The following TMEM247 variants were observed in gnomAD, a reference collection of about 807,000 sequenced individuals.
The protein encoded by TMEM247 is transmembrane protein ENSP00000343375.
Under a neutral mutation model 20.7 loss-of-function variants are expected in TMEM247, and 23 were observed. That is an observed-to-expected ratio of 1.11 (90% CI 0.80 to 1.57). The LOEUF (loss-of-function observed/expected upper bound fraction) is 1.57. Among genes scored for constraint, TMEM247 ranks in the 40% most tolerant of loss-of-function variants. The pLI, the probability that TMEM247 is intolerant of heterozygous loss-of-function variation, is 0.00. For synonymous variants in TMEM247, 106 were observed against 111.9 expected (o/e 0.95, Z 0.33); for missense variants, 354 against 283.8 (o/e 1.25, Z -1.78).
At chr2:46,481,987 G>A (rs762162427) in intron 2 of TMEM247, among the ~76,000 whole-genome samples, 6 of 152,166 alleles carry the variant, frequency 3.9e-5, no homozygotes, top group Non-Finnish European at 8.8e-5. Flanking sequence ...AAACGGAGAC[G>A]CACTGTCAAA....
At chr2:46,481,016 C>A (rs917021603) in intron 2 of TMEM247, among the ~76,000 whole-genome samples, 1 of 152,168 alleles carries the variant, frequency 6.6e-6, no homozygotes, top group Non-Finnish European at 1.5e-5. Flanking sequence ...AACAGAGCTT[C>A]CACGGGAAGC....
rs1472346008 is a variant in TMEM247 at position 46,484,256 on chromosome 2, C to G, written c.490C>G (p.Leu164Val). The G allele has an allele frequency of 1.9e-6, 3 of 1,550,086 alleles. No homozygotes were observed. In the Admixed American group the frequency reaches 5.9e-5, roughly 30 times the overall value. The change falls in exon 3 of 3, where the codon CTC (leucine) becomes GTC (valine). Residue 164 changes from leucine to valine, a missense_variant. Transcript: ENST00000434431. ...CTCTCCCCCACAGTTTTCAGGAGGC[C>G]TCCAGAACTTCCTGCTGCCCCAGAA...
At chr2:46,480,835 G>GCGCCC in intron 2 of TMEM247, 71 bp downstream of exon 2, 1 of 1,468,560 alleles carries the variant, frequency 6.8e-7, no homozygotes, top group South Asian at 1.4e-5. Flanking sequence ...CCTGGAGCAG[G>GCGCCC]CGCCCACCTT....
intron 2 of TMEM247, among the ~76,000 whole-genome samples, chr2:46,483,325 G>A (rs1686924624): frequency 6.6e-6 from 1 of 152,184 alleles, no homozygotes; most frequent in African/African-American, 2.4e-5. Flanking sequence ...AACTCAAGCT[G>A]CTTTCCCCCA....
intron 2 of TMEM247, among the ~76,000 whole-genome samples, chr2:46,482,473 C>T (rs1432668844): frequency 1.3e-5 from 2 of 152,262 alleles, no homozygotes; most frequent in Non-Finnish European, 2.9e-5. Context: ...ATTTTACCCC[C>T]TTTTCAGTTT....
intron 2 of TMEM247, among the ~76,000 whole-genome samples, chr2:46,483,192 CA>C (rs1411186071): frequency 2.6e-5 from 4 of 152,236 alleles, no homozygotes; most frequent in African/African-American, 9.6e-5. Flanking sequence ...AACTATGGAT[CA>C]AAATAATATC....
chr2:46,479,767 G>C, intron 1 of TMEM247, 65 bp downstream of exon 1: 2 of 1,186,764 alleles, frequency 1.7e-6, no homozygotes, highest in South Asian at 1.3e-5. Context: ...AATACTGTAG[G>C]AACACATGCT....
At chr2:46,482,068 G>C (rs1432073178) in intron 2 of TMEM247, among the ~76,000 whole-genome samples, 1 of 152,066 alleles carries the variant, frequency 6.6e-6, no homozygotes, top group Non-Finnish European at 1.5e-5. Context: ...TTTTGTTTCT[G>C]TTTTTTTAAG....
At chr2:46,482,464 T>C (rs182269675) in intron 2 of TMEM247, among the ~76,000 whole-genome samples, 43 of 152,360 alleles carry the variant, frequency 2.8e-4, no homozygotes, top group African/African-American at 1.0e-3. Flanking sequence ...ACCATATTTA[T>C]TTTACCCCCT....
exon 2 of TMEM247, chr2:46,480,558 G>C (rs1211633795): frequency 6.4e-7 from 1 of 1,551,730 alleles, no homozygotes; most frequent in South Asian, 1.2e-5. Context: ...CAAACCCGCA[G>C]AGCTGCCCCC....
At chr2:46,481,142 C>G (rs979425932) in intron 2 of TMEM247, among the ~76,000 whole-genome samples, 2 of 152,152 alleles carry the variant, frequency 1.3e-5, no homozygotes, top group Non-Finnish European at 2.9e-5. Flanking sequence ...CCTCCCTCTT[C>G]CACCGCTCAC....
chr2:46,484,285 G>C (rs779998940), exon 3 of TMEM247: 20 of 1,551,980 alleles, frequency 1.3e-5, no homozygotes, highest in Non-Finnish European at 5.2e-6. Flanking sequence ...CCCAGAACCA[G>C]TTTGCCATGT....
exon 2 of TMEM247, chr2:46,480,713 G>A (rs965793198): frequency 6.4e-7 from 1 of 1,551,482 alleles, no homozygotes; most frequent in African/African-American, 1.4e-5. Context: ...AGCGGGAGCG[G>A]CAGCACGAGG....
chr2:46,484,260 A>C (rs1686945341), exon 3 of TMEM247: 1 of 1,550,678 alleles, frequency 6.4e-7, no homozygotes, highest in African/African-American at 1.4e-5. Flanking sequence ...GGAGGCCTCC[A>C]GAACTTCCTG....
chr2:46,482,778 C>T (rs1408139623), intron 2 of TMEM247, among the ~76,000 whole-genome samples: 1 of 152,222 alleles, frequency 6.6e-6, no homozygotes, highest in African/African-American at 2.4e-5. Context: ...TGGATTGCTT[C>T]CTCTGGTCTC....
At position 46,480,471 on chromosome 2, in the gene TMEM247, G is replaced by A. The variant is rs771823668; in HGVS notation, c.184G>A (p.Gly62Arg). 62 of 1,551,552 alleles carry A rather than the reference G, an allele frequency of 4.0e-5. No individual in the cohort carries two copies. The Middle Eastern group carries it at 8.3e-4, about 21-fold the overall frequency. The stretch of plus-strand genomic sequence containing the variant: ...GGAAGAGATGGAAGCTTGTGAGGAC[G>A]GAGGCTGCCAAGGGCCGCTTAAATC... The change falls in exon 2 of 3, where the codon GGA (glycine) becomes AGA (arginine). Residue 62 changes from glycine (G) to arginine (R), a missense_variant. Gly to Arg is a moderately radical substitution (Grantham distance 125, BLOSUM62 -2). Coordinates refer to ENST00000434431, the Ensembl canonical transcript of TMEM247.
chr2:46,480,189 T>C (rs1238417405), intron 1 of TMEM247, among the ~76,000 whole-genome samples: 6 of 149,284 alleles, frequency 4.0e-5, no homozygotes, highest in African/African-American at 9.8e-5. Context: ...CTTGCAACTT[T>C]AGGGCACTAT....
chr2:46,481,387 T>C (rs1686886772), intron 2 of TMEM247, among the ~76,000 whole-genome samples: 1 of 152,224 alleles, frequency 6.6e-6, no homozygotes, highest in Non-Finnish European at 1.5e-5. Context: ...TGAGATTAAA[T>C]GGGATGTGAA....
exon 3 of TMEM247, chr2:46,484,261 G>A (rs750175010): frequency 6.4e-7 from 1 of 1,550,852 alleles, no homozygotes; most frequent in Non-Finnish European, 8.7e-7. Flanking sequence ...GAGGCCTCCA[G>A]AACTTCCTGC....
Sources: allele counts gnomAD v4.1 joint callset (sites outside exome capture counted in the v4.1 genomes callset), GRCh38; gene constraint gnomAD v4.1.1; transcripts MANE v1.5; gene names NCBI Gene and HGNC (gene_info 2026-07-23, HGNC 2026-07-21).